The following CACNA2D1 variants were observed in gnomAD, a reference collection of about 807,000 sequenced individuals.
CACNA2D1 encodes calcium voltage-gated channel auxiliary subunit alpha2delta 1, also known as voltage-dependent calcium channel subunit alpha-2/delta-1.
CACNA2D1 carries 53 observed loss-of-function variants against 171.5 expected under a neutral mutation model. The observed-to-expected ratio is 0.31, with a 90% confidence interval of 0.25 to 0.39. CACNA2D1 has a LOEUF of 0.39. CACNA2D1 is among the 10% of genes least tolerant of loss of function. The pLI is 1.00. For synonymous variants in CACNA2D1, 442 were observed against 443.1 expected, an observed-to-expected ratio of 1.00 and a Z score of 0.03; for missense variants, 903 against 1,299.8, an observed-to-expected ratio of 0.69 and a Z score of 4.69.
intron 11 of CACNA2D1, 36 bp downstream of exon 11, chr7:82,038,041 C>T (rs748318224): frequency 1.9e-6 from 3 of 1,561,000 alleles, no homozygotes; most frequent in East Asian, 4.5e-5. Context: ...TACAATTGAA[C>T]AACAACAACA....
intron 23 of CACNA2D1, 72 bp downstream of exon 23, chr7:81,983,242 A>T: frequency 7.9e-7 from 1 of 1,269,862 alleles, no homozygotes; most frequent in East Asian, 2.3e-5. Flanking sequence ...AATATCCAAT[A>T]GGAAGGAAAA....
chr7:81,954,832 T>G (rs1321006844), intron 38 of CACNA2D1, among the ~76,000 whole-genome samples: 1 of 152,094 alleles, frequency 6.6e-6, no homozygotes, highest in East Asian at 1.9e-4. Context: ...CAATCTATAT[T>G]TAAAAATTTT....
chr7:82,152,140 A>C (rs532268457), intron 4 of CACNA2D1, among the ~76,000 whole-genome samples: 6 of 152,094 alleles, frequency 3.9e-5, no homozygotes, highest in Admixed American at 3.9e-4. Flanking sequence ...AAAAATGATT[A>C]ATCAATGCTT....
At chr7:82,151,727 T>A (rs943777122) in intron 4 of CACNA2D1, among the ~76,000 whole-genome samples, 1 of 152,142 alleles carries the variant, frequency 6.6e-6, no homozygotes, top group Non-Finnish European at 1.5e-5. Context: ...TGATTCCAGA[T>A]GTGTTATGGA....
intron 21 of CACNA2D1, among the ~76,000 whole-genome samples, chr7:81,984,957 T>C (rs1450573584): frequency 1.3e-5 from 2 of 152,126 alleles, no homozygotes; most frequent in Non-Finnish European, 2.9e-5. Context: ...AGTTCCTGAA[T>C]GAACCCATAA....
chr7:82,093,338 AATC>A (rs1460356886), intron 6 of CACNA2D1, among the ~76,000 whole-genome samples: 21 of 152,174 alleles, frequency 1.4e-4, no homozygotes, highest in African/African-American at 4.3e-4. Context: ...TCTCATCATT[AATC>A]ATCATTATTT....
At chr7:82,399,585 A>G (rs1460306120) in intron 1 of CACNA2D1, among the ~76,000 whole-genome samples, 1 of 152,072 alleles carries the variant, frequency 6.6e-6, no homozygotes, top group African/African-American at 2.4e-5. Context: ...TTTATAAACA[A>G]GCAGACAGGG....
chr7:82,438,890 G>A (rs1442347257), intron 1 of CACNA2D1, among the ~76,000 whole-genome samples: 3 of 152,080 alleles, frequency 2.0e-5, no homozygotes, highest in African/African-American at 7.2e-5. Context: ...ACAATAAAAT[G>A]TTACTTTTTT....
chr7:82,123,173 G>A (rs945571144), intron 5 of CACNA2D1, among the ~76,000 whole-genome samples: 2 of 152,076 alleles, frequency 1.3e-5, no homozygotes, highest in African/African-American at 4.8e-5. Flanking sequence ...AAAAACATAA[G>A]GCAGAATTCT....
intron 3 of CACNA2D1, among the ~76,000 whole-genome samples, chr7:82,241,184 A>C (rs963861158): frequency 1.4e-4 from 21 of 152,218 alleles, no homozygotes; most frequent in African/African-American, 5.1e-4. Flanking sequence ...ATAATTTTTA[A>C]GATTTCCTCA....
At chr7:82,425,036 T>C (rs1308144497) in intron 1 of CACNA2D1, among the ~76,000 whole-genome samples, 2 of 152,232 alleles carry the variant, frequency 1.3e-5, no homozygotes, top group African/African-American at 2.4e-5. Flanking sequence ...GACCATGATA[T>C]GAAGGGATGT....
At chr7:82,202,372 G>T (rs1799534127) in intron 3 of CACNA2D1, among the ~76,000 whole-genome samples, 2 of 152,120 alleles carry the variant, frequency 1.3e-5, no homozygotes, top group South Asian at 4.1e-4. Context: ...TAGCCAGCAG[G>T]ATACTGAGGA....
At chr7:82,372,529 C>T (rs557279564) in intron 1 of CACNA2D1, among the ~76,000 whole-genome samples, 1 of 132,366 alleles carries the variant, frequency 7.6e-6, no homozygotes, top group Admixed American at 7.6e-5. Flanking sequence ...ACTTACAAAA[C>T]TGAGTAGTAC....
chr7:82,354,936 T>C (rs1161851512), intron 1 of CACNA2D1, among the ~76,000 whole-genome samples: 1 of 152,208 alleles, frequency 6.6e-6, no homozygotes, highest in Non-Finnish European at 1.5e-5. Flanking sequence ...AATGTTATTA[T>C]ACTGTATTCA....
In CACNA2D1 at chr7:81,968,872, A is replaced by ACC. The variant is rs1794978416; in HGVS notation, c.2395+14_2395+15insGG. The ACC allele has an allele frequency of 7.9e-7, 1 of 1,262,368 alleles. No individual in the cohort carries two copies. The highest frequency in any genetic ancestry group is 1.7e-5 in the Admixed American group (1 of 59,050). 78.2% of individuals were successfully genotyped at this position (1,262,368 alleles called of 1,614,324 possible). ...TAATTTTGATTGTGTTTTTGTATTTAATATTTATCCTTACCTGCAGGTTTA... is the reference window on the plus strand; with the variant it reads ...TAATTTTGATTGTGTTTTTGTATTTACCATATTTATCCTTACCTGCAGGTTTA... On this transcript the variant is annotated intron_variant, in intron 29 of 38. Coordinates refer to ENST00000356860, the MANE Select transcript of CACNA2D1 (RefSeq NM_000722.4).
intron 5 of CACNA2D1, among the ~76,000 whole-genome samples, chr7:82,132,889 G>A (rs1368982076): frequency 3.3e-5 from 5 of 152,080 alleles, no homozygotes; most frequent in African/African-American, 9.7e-5. Flanking sequence ...CTTGTCCAAT[G>A]AAAAATTTTC....
At chr7:82,330,672 A>T (rs980841828) in intron 3 of CACNA2D1, among the ~76,000 whole-genome samples, 5 of 152,286 alleles carry the variant, frequency 3.3e-5, no homozygotes, top group African/African-American at 1.2e-4. Flanking sequence ...TAATTGATAC[A>T]GGATTCACTG....
chr7:82,373,076 C>G (rs1028854421), intron 1 of CACNA2D1, among the ~76,000 whole-genome samples: 1 of 152,074 alleles, frequency 6.6e-6, no homozygotes, highest in Admixed American at 6.5e-5. Flanking sequence ...CCCAGCTACT[C>G]AGGAGGCTGA....
intron 9 of CACNA2D1, among the ~76,000 whole-genome samples, chr7:82,064,021 G>A (rs1458791890): frequency 1.3e-5 from 2 of 151,522 alleles, no homozygotes; most frequent in South Asian, 4.2e-4. Flanking sequence ...TACCATGCCC[G>A]AACAAGTTCC....
Sources: gnomAD v4.1 joint callset for allele counts (sites outside exome capture counted in the v4.1 genomes callset) on GRCh38, gnomAD v4.1.1 for gene constraint, MANE v1.5 for transcripts, NCBI Gene and HGNC (gene_info 2026-07-23, HGNC 2026-07-21) for gene names.